The following PCDH9 variants were observed in gnomAD, a reference collection of about 807,000 sequenced individuals.
PCDH9 encodes protocadherin 9.
A neutral mutation model predicts 70.6 loss-of-function variants in PCDH9; 24 were observed. The ratio of observed to expected loss-of-function variants is 0.34; its 90% confidence interval spans 0.25 to 0.48. PCDH9 has a LOEUF of 0.48. Ranked by LOEUF, PCDH9 falls within the 20% of genes least tolerant of loss-of-function variation. The pLI is 0.99. For synonymous variants in PCDH9, 562 were observed against 558.5 expected, an observed-to-expected ratio of 1.01 and a Z score of -0.09; for missense variants, 1,281 against 1,503.6, an observed-to-expected ratio of 0.85 and a Z score of 2.45.
intron 2 of PCDH9, among the ~76,000 whole-genome samples, chr13:67,200,203 TAAATA>T (rs2089174857): frequency 6.6e-6 from 1 of 152,104 alleles, no homozygotes; most frequent in South Asian, 2.1e-4. Context: ...AATTAGTATC[TAAATA>T]AAATAATCCA....
rs1203120803 is a variant in PCDH9 at position 66,763,500 on chromosome 13, T to A, written c.3139-132089A>T. On this transcript the variant is annotated intron_variant, in intron 3 of 4. Transcript: ENST00000377865. ...GTACCCAATACAGCCAAATATTTTA[T>A]ACCTGTAACCACTACTCCACCCTAT... Among the ~76,000 whole-genome samples, 5 of 152,216 alleles carry A rather than the reference T, an allele frequency of 3.3e-5. 1 individual carries two copies. In the South Asian group the frequency reaches 8.3e-4, roughly 25 times the overall value.
chr13:66,960,408 T>C (rs989722106), intron 2 of PCDH9, among the ~76,000 whole-genome samples: 3 of 152,180 alleles, frequency 2.0e-5, no homozygotes, highest in East Asian at 3.9e-4. Context: ...TCATCTACTG[T>C]CTTTCATTCA....
intron 3 of PCDH9, among the ~76,000 whole-genome samples, chr13:66,669,620 A>C (rs772532291): frequency 2.2e-4 from 34 of 152,130 alleles, no homozygotes; most frequent in African/African-American, 6.8e-4. Context: ...AGAAAACCAA[A>C]TGGGAATGGA....
chr13:66,997,557 C>T (rs1015568867), intron 2 of PCDH9, among the ~76,000 whole-genome samples: 6 of 111,008 alleles, frequency 5.4e-5, no homozygotes, highest in African/African-American at 9.1e-5. Context: ...GTTTCTGAGA[C>T]GGAGTCTCAC....
At chr13:66,866,898 T>A (rs1295297930) in intron 3 of PCDH9, among the ~76,000 whole-genome samples, 1 of 152,182 alleles carries the variant, frequency 6.6e-6, no homozygotes, top group Admixed American at 6.5e-5. Context: ...TGAAATACAG[T>A]AAGTCTTATA....
At chr13:66,827,785 C>G (rs184498270) in intron 3 of PCDH9, among the ~76,000 whole-genome samples, 2 of 152,156 alleles carry the variant, frequency 1.3e-5, no homozygotes, top group East Asian at 3.9e-4. Context: ...AAATGTCAAC[C>G]GATGGGTAAG....
At chr13:67,100,272 T>C (rs1486024050) in intron 2 of PCDH9, among the ~76,000 whole-genome samples, 2 of 152,070 alleles carry the variant, frequency 1.3e-5, no homozygotes, top group African/African-American at 4.8e-5. Context: ...ATAATGACAA[T>C]AAAAATAATA....
At chr13:66,946,556 T>G (rs2083091176) in intron 2 of PCDH9, among the ~76,000 whole-genome samples, 1 of 152,104 alleles carries the variant, frequency 6.6e-6, no homozygotes, top group African/African-American at 2.4e-5. Context: ...CATACTATGG[T>G]ACTAAATATT....
At chr13:66,794,437 T>C (rs547527523) in intron 3 of PCDH9, among the ~76,000 whole-genome samples, 47 of 152,184 alleles carry the variant, frequency 3.1e-4, no homozygotes, top group Non-Finnish European at 6.2e-4. Flanking sequence ...AAAGTTTCAA[T>C]ACTTCTTTTT....
chr13:66,577,127 A>C (rs2076826323), intron 4 of PCDH9, among the ~76,000 whole-genome samples: 1 of 151,984 alleles, frequency 6.6e-6, no homozygotes, highest in Non-Finnish European at 1.5e-5. Flanking sequence ...CTACTGTTAC[A>C]TGAGATAAGA....
chr13:66,827,767 G>A (rs941546096), intron 3 of PCDH9, among the ~76,000 whole-genome samples: 24 of 152,142 alleles, frequency 1.6e-4, no homozygotes, highest in Admixed American at 4.6e-4. Flanking sequence ...AAGCAGTGGA[G>A]TCACTTTAAA....
chr13:66,724,887 C>T lies in PCDH9; in HGVS notation c.3139-93476G>A, dbSNP rs1033678377. ...TGGCTGACTTCCTTGATATAGTAAGCTCTGAATTAATGGCCTCTTTTTGTT... is the reference window on the plus strand; with the variant it reads ...TGGCTGACTTCCTTGATATAGTAAGTTCTGAATTAATGGCCTCTTTTTGTT... On this transcript the variant is annotated intron_variant, in intron 3 of 4. Transcript: ENST00000377865. Among the ~76,000 whole-genome samples, 5 of 152,122 alleles carry T rather than the reference C, an allele frequency of 3.3e-5. No individual in the cohort carries two copies. In the East Asian group the frequency reaches 5.8e-4, roughly 18 times the overall value.
chr13:66,391,132 C>A (rs984312659), intron 4 of PCDH9, among the ~76,000 whole-genome samples: 2 of 152,098 alleles, frequency 1.3e-5, no homozygotes, highest in African/African-American at 4.8e-5. Flanking sequence ...CTGATTAATT[C>A]TTTTTAGTCT....
intron 4 of PCDH9, among the ~76,000 whole-genome samples, chr13:66,520,776 G>A (rs1959955254): frequency 6.6e-6 from 1 of 152,104 alleles, no homozygotes; most frequent in Non-Finnish European, 1.5e-5. Flanking sequence ...TTGTGTTTAG[G>A]TATCTTATGT....
chr13:66,737,205 T>G (rs1328351109), intron 3 of PCDH9, among the ~76,000 whole-genome samples: 7 of 152,194 alleles, frequency 4.6e-5, no homozygotes, highest in African/African-American at 1.4e-4. Context: ...TGTTCTCTAT[T>G]TCTATTTTTC....
At chr13:67,111,638 C>T (rs952717641) in intron 2 of PCDH9, among the ~76,000 whole-genome samples, 1 of 152,040 alleles carries the variant, frequency 6.6e-6, no homozygotes, top group Non-Finnish European at 1.5e-5. Flanking sequence ...TTTTTTGCCA[C>T]TCATACTTCT....
At chr13:66,758,854 G>A (rs1032331670) in intron 3 of PCDH9, among the ~76,000 whole-genome samples, 1 of 151,874 alleles carries the variant, frequency 6.6e-6, no homozygotes, top group African/African-American at 2.4e-5. Context: ...ATCTTTGTAG[G>A]TTATATGTCT....
chr13:66,989,160 TTA>T (rs2083952573), intron 2 of PCDH9, among the ~76,000 whole-genome samples: 1 of 151,938 alleles, frequency 6.6e-6, no homozygotes, highest in Non-Finnish European at 1.5e-5. Context: ...GGAATAAATA[TTA>T]TATATGTTAC....
chr13:67,152,473 A>T (rs1329994455), intron 2 of PCDH9, among the ~76,000 whole-genome samples: 1 of 152,192 alleles, frequency 6.6e-6, no homozygotes, highest in Non-Finnish European at 1.5e-5. Context: ...AACAACAGTA[A>T]ATCAGTTAAA....
Sources: gnomAD v4.1 joint callset for allele counts (sites outside exome capture counted in the v4.1 genomes callset) on GRCh38, gnomAD v4.1.1 for gene constraint, MANE v1.5 for transcripts, NCBI Gene and HGNC (gene_info 2026-07-23, HGNC 2026-07-21) for gene names.